ME1: variants seen among roughly 807,000 people sequenced by gnomAD.
ME1 encodes the protein malic enzyme 1.
Under a neutral mutation model 66.4 loss-of-function variants are expected in ME1, and 74 were observed. The ratio of observed to expected loss-of-function variants is 1.11; its 90% CI spans 0.92 to 1.35. ME1 has a LOEUF of 1.35. Ranked by LOEUF, ME1 falls within the 40% of genes most tolerant of loss-of-function variation. ME1 has a pLI of 0.00. For synonymous variants in ME1, 251 were observed against 235.6 expected (o/e 1.07, Z -0.60); for missense variants, 750 against 694.1 (o/e 1.08, Z -0.90).
chr6:83,409,673 TGATA>T (rs1033489318), intron 1 of ME1, among the ~76,000 whole-genome samples: 1 of 152,232 alleles, frequency 6.6e-6, no homozygotes, highest in African/African-American at 2.4e-5. Flanking sequence ...AATGACGCCA[TGATA>T]GAGCTCTCTG....
chr6:83,351,434 T>C (rs1768800919), intron 4 of ME1, among the ~76,000 whole-genome samples: 1 of 152,104 alleles, frequency 6.6e-6, no homozygotes, highest in Admixed American at 6.5e-5. Flanking sequence ...ACAAGGAAGA[T>C]GGCATAGCCC....
At chr6:83,387,188 A>G (rs1769523869) in intron 3 of ME1, among the ~76,000 whole-genome samples, 3 of 152,180 alleles carry the variant, frequency 2.0e-5, no homozygotes, top group African/African-American at 4.8e-5. Flanking sequence ...CATACAGTAT[A>G]TAATTAAAAT....
At chr6:83,218,222 T>C (rs1330188500) in intron 12 of ME1, among the ~76,000 whole-genome samples, 1 of 152,110 alleles carries the variant, frequency 6.6e-6, no homozygotes, top group African/African-American at 2.4e-5. Flanking sequence ...GAATCAGCCC[T>C]GCCAACCCCA....
rs1237366490 is a variant in ME1 at position 83,289,683 on chromosome 6, A to G, written c.704+25627T>C. On this transcript the variant is annotated intron_variant, in intron 6 of 13. Transcript: ENST00000369705. ...GGGAGGATTCCCTTTTTTCTCATTG[A>G]TCAGAATAGTTTCAGAAGGAATGGT... is the stretch of plus-strand genomic sequence containing the variant. Among the ~76,000 whole-genome samples, 4 of 152,166 alleles carry G rather than the reference A, an allele frequency of 2.6e-5. No individual in the cohort carries two copies. The East Asian group carries it at 7.7e-4, about 29-fold the overall frequency.
chr6:83,266,055 C>T (rs979530588), intron 6 of ME1, among the ~76,000 whole-genome samples: 3 of 152,138 alleles, frequency 2.0e-5, no homozygotes, highest in Admixed American at 6.5e-5. Context: ...AGGCTCTATA[C>T]ATAATCTTCA....
chr6:83,421,408 C>T (rs190924945), intron 1 of ME1, among the ~76,000 whole-genome samples: 1 of 152,276 alleles, frequency 6.6e-6, no homozygotes, highest in Admixed American at 6.5e-5. Context: ...TGGTTCTGTG[C>T]AAAGTGGTAG....
intron 1 of ME1, among the ~76,000 whole-genome samples, chr6:83,420,991 G>C (rs925061532): frequency 6.6e-6 from 1 of 152,050 alleles, no homozygotes; most frequent in South Asian, 2.1e-4. Flanking sequence ...GAAGGGGAAA[G>C]AAAGAAAGAA....
chr6:83,378,109 C>T (rs1769326440), intron 3 of ME1, among the ~76,000 whole-genome samples: 1 of 151,546 alleles, frequency 6.6e-6, no homozygotes, highest in South Asian at 2.1e-4. Flanking sequence ...CACGAGCCCT[C>T]CACTGAGCCT....
intron 13 of ME1, among the ~76,000 whole-genome samples, chr6:83,213,255 T>C (rs1789929541): frequency 6.6e-6 from 1 of 151,172 alleles, no homozygotes; most frequent in Non-Finnish European, 1.5e-5. Flanking sequence ...AGAAACCCCA[T>C]CTCTACTAAA....
Position 83,218,458 on chromosome 6 carries a change from A to T in ME1, c.1450-1862T>A, listed in dbSNP as rs1583323747. ...ATAGGTATGTGTACTTAAGCAGAGA[A>T]GAGAATGGGAAAGGGAGAGCCAGAC... On this transcript the variant is annotated intron_variant, in intron 12 of 13. Transcript: ENST00000369705. 2.0e-5 allele frequency among the ~76,000 whole-genome samples: 3 copies of T among 152,216 alleles called. No individual in the cohort carries two copies. The South Asian group carries it at 6.2e-4, about 31-fold the overall frequency.
intron 6 of ME1, among the ~76,000 whole-genome samples, chr6:83,260,817 T>C (rs1369086888): frequency 2.6e-5 from 4 of 152,200 alleles, no homozygotes; most frequent in Admixed American, 6.5e-5. Context: ...TAATATTCCA[T>C]GGTGTATCAG....
At chr6:83,227,190 T>A (rs62421763) in intron 11 of ME1, 145 bp downstream of exon 11, 125 of 430,122 alleles carry the variant, frequency 2.9e-4, no homozygotes, top group Non-Finnish European at 4.5e-4. Context: ...AGGAAATAGT[T>A]CTTATCCCTC....
intron 3 of ME1, among the ~76,000 whole-genome samples, chr6:83,370,358 C>T (rs1429844062): frequency 6.6e-6 from 1 of 152,096 alleles, no homozygotes; most frequent in African/African-American, 2.4e-5. Flanking sequence ...TGATAACTTG[C>T]TTGCTTTTTC....
At chr6:83,255,698 T>C (rs146342149) in intron 6 of ME1, among the ~76,000 whole-genome samples, 1 of 152,214 alleles carries the variant, frequency 6.6e-6, no homozygotes, top group African/African-American at 2.4e-5. Context: ...CACCTATAAT[T>C]AGATACTATA....
chr6:83,262,731 G>T (rs540724063), intron 6 of ME1, among the ~76,000 whole-genome samples: 92 of 152,124 alleles, frequency 6.0e-4, no homozygotes, highest in Non-Finnish European at 1.1e-3. Context: ...AACACCCAAG[G>T]TTCCAGAAAA....
chr6:83,292,326 G>A (rs527247640), intron 6 of ME1, among the ~76,000 whole-genome samples: 12 of 152,164 alleles, frequency 7.9e-5, no homozygotes, highest in Non-Finnish European at 1.6e-4. Flanking sequence ...TCTTGTTGAT[G>A]TTGATGCTAT....
chr6:83,393,270 C>A (rs1769660675), intron 3 of ME1: 4 of 1,172,834 alleles, frequency 3.4e-6, no homozygotes, highest in African/African-American at 1.5e-5. Flanking sequence ...CAACAGACAC[C>A]CACTCTTCCA....
At chr6:83,245,051 G>A (rs942394400) in intron 7 of ME1, among the ~76,000 whole-genome samples, 9 of 152,018 alleles carry the variant, frequency 5.9e-5, no homozygotes, top group African/African-American at 2.2e-4. Context: ...GCAGTATTCC[G>A]AGGAAGAAAT....
chr6:83,349,855 A>G (rs979242453), intron 4 of ME1, among the ~76,000 whole-genome samples: 2 of 152,186 alleles, frequency 1.3e-5, no homozygotes, highest in African/African-American at 4.8e-5. Flanking sequence ...CAGGCAAGTG[A>G]ATTTCCTTAT....
Sources: gnomAD v4.1 joint callset for allele counts (sites outside exome capture counted in the v4.1 genomes callset) on GRCh38, gnomAD v4.1.1 for gene constraint, MANE v1.5 for transcripts, NCBI Gene and HGNC (gene_info 2026-07-23, HGNC 2026-07-21) for gene names.